LRCH3: variants seen among roughly 807,000 people sequenced by gnomAD.
LRCH3 encodes leucine rich repeats and calponin homology domain containing 3, also known as DISP complex protein LRCH3.
A neutral mutation model predicts 104.5 loss-of-function variants in LRCH3; 68 were observed. That is an observed-to-expected ratio of 0.65 (90% CI 0.54 to 0.80). The LOEUF is 0.80. Among genes scored for constraint, LRCH3 ranks in the 30% least tolerant of loss-of-function variants. The pLI, the probability that LRCH3 is intolerant of heterozygous loss-of-function variation, is 0.00. For synonymous variants in LRCH3, 344 were observed against 361.3 expected, an observed-to-expected ratio of 0.95 and a Z score of 0.54; for missense variants, 951 against 953.9, an observed-to-expected ratio of 1.00 and a Z score of 0.04.
At chr3:197,870,638 T>C (rs983710070) in intron 18 of LRCH3, among the ~76,000 whole-genome samples, 7 of 152,206 alleles carry the variant, frequency 4.6e-5, no homozygotes, top group Admixed American at 1.3e-4. Flanking sequence ...AGTGCTGGGA[T>C]GGCAGGCGTG....
At chr3:197,881,144 G>A in intron 20 of LRCH3, 1 of 1,016,074 alleles carries the variant, frequency 9.8e-7, no homozygotes, top group Non-Finnish European at 1.2e-6. Context: ...AACCTTTGCA[G>A]CAGCTGCTCA....
chr3:197,828,643 C>T (rs1560549934), intron 5 of LRCH3, among the ~76,000 whole-genome samples: 3 of 151,720 alleles, frequency 2.0e-5, no homozygotes, highest in Non-Finnish European at 2.9e-5. Flanking sequence ...CCGCGCCCGG[C>T]CCCCTTAGCT....
chr3:197,832,427 T>G (rs1736082886), intron 8 of LRCH3, 110 bp downstream of exon 8: 2 of 1,031,728 alleles, frequency 1.9e-6, no homozygotes, highest in Admixed American at 2.7e-5. Flanking sequence ...TCTTCACTCT[T>G]CTTTTAAAGA....
At chr3:197,819,945 C>T (rs1053540770) in intron 3 of LRCH3, among the ~76,000 whole-genome samples, 8 of 152,112 alleles carry the variant, frequency 5.3e-5, no homozygotes, top group Non-Finnish European at 1.0e-4. Flanking sequence ...CCTGGGCTCA[C>T]GTGATCCACC....
At chr3:197,829,334 A>G (rs551684824) in intron 5 of LRCH3, among the ~76,000 whole-genome samples, 1 of 152,342 alleles carries the variant, frequency 6.6e-6, no homozygotes, top group South Asian at 2.1e-4. Context: ...ATTTATTTAT[A>G]TATTACTGAA....
In LRCH3 at chr3:197,839,892, G is replaced by A. The variant is rs555751971; in HGVS notation, c.1328+495G>A. ...AGAGGCTGAGGTGGGAGGATCGCTC[G>A]AACTGGGAGGGTGAGACTGCAGTGA... On this transcript the variant is annotated intron_variant, in intron 10 of 20. Coordinates refer to ENST00000425562, the MANE Select transcript of LRCH3 (RefSeq NM_001365715.1). 5.3e-5 allele frequency among the ~76,000 whole-genome samples: 8 copies of A among 151,188 alleles called. No homozygotes were observed. The South Asian group carries it at 6.3e-4, about 12-fold the overall frequency.
At chr3:197,831,039 GCTTT>G (rs1735865487) in intron 7 of LRCH3, 176 bp downstream of exon 7, 1 of 524,192 alleles carries the variant, frequency 1.9e-6, no homozygotes, top group African/African-American at 1.9e-5. Context: ...GTCCTTACCG[GCTTT>G]CTGTCACGTG....
intron 3 of LRCH3, 120 bp downstream of exon 3, chr3:197,817,422 C>T: frequency 4.8e-6 from 1 of 209,188 alleles, no homozygotes; most frequent in African/African-American, 2.7e-5. Flanking sequence ...ATACCATAGT[C>T]TTTTATATGG....
At chr3:197,836,962 G>A (rs1736890521) in intron 9 of LRCH3, among the ~76,000 whole-genome samples, 2 of 152,272 alleles carry the variant, frequency 1.3e-5, no homozygotes, top group South Asian at 2.1e-4. Context: ...ACAGGTGTGA[G>A]CCACCGCACC....
At chr3:197,841,858 G>C (rs1478133121) in intron 10 of LRCH3, among the ~76,000 whole-genome samples, 5 of 121,756 alleles carry the variant, frequency 4.1e-5, no homozygotes, top group African/African-American at 1.4e-4. Flanking sequence ...TTTGTGACAG[G>C]GTCTTGCTCT....
intron 20 of LRCH3, chr3:197,881,030 C>T: frequency 1.7e-6 from 2 of 1,190,838 alleles, no homozygotes; most frequent in Non-Finnish European, 2.1e-6. Context: ...TGAACTTGTA[C>T]TTCGAATATG....
At chr3:197,880,092 C>T (rs1293645095) in intron 20 of LRCH3, among the ~76,000 whole-genome samples, 1 of 151,106 alleles carries the variant, frequency 6.6e-6, no homozygotes, top group Non-Finnish European at 1.5e-5. Context: ...ACTACAGGCG[C>T]CCGCCACCAC....
rs58237989 is a variant in LRCH3 at position 197,825,464 on chromosome 3, A to ATTTTTTTTTT, written c.641-1390_641-1381dup. Among the ~76,000 whole-genome samples the ATTTTTTTTTT allele has an allele frequency of 5.0e-4, 10 of 20,034 alleles. 4 individuals carry two copies. Among genetic ancestry groups the ATTTTTTTTTT allele is most frequent in the Admixed American group, 7.5e-4 (1 of 1,332 alleles). 13.1% of individuals were successfully genotyped at this position (20,034 alleles called of 152,430 possible). A position where few individuals can be genotyped will look rare whatever the true frequency, so the allele number is the denominator to read the frequency against. Reference sequence around the variant, plus strand: ...TAGACCTCTTTGTTGATCCTCTTTGATTTTTTTTTTTTTTTTTTTTTTTTT... The same window carrying ATTTTTTTTTT: ...TAGACCTCTTTGTTGATCCTCTTTGATTTTTTTTTTTTTTTTTTTTTTTTTTTTTTTTTTT... On this transcript the variant is annotated intron_variant, in intron 4 of 20. Coordinates refer to ENST00000425562, the MANE Select transcript of LRCH3 (RefSeq NM_001365715.1).
intron 1 of LRCH3, among the ~76,000 whole-genome samples, chr3:197,813,200 T>A (rs193176158): frequency 6.6e-6 from 1 of 152,336 alleles, no homozygotes; most frequent in Non-Finnish European, 1.5e-5. Flanking sequence ...GAAGTATCCA[T>A]TACCCCAAGC....
At position 197,835,659 on chromosome 3, in the gene LRCH3, G is replaced by A; in HGVS notation, c.1103-15G>A. On this transcript the variant is annotated splice_polypyrimidine_tract_variant and intron_variant, in intron 8 of 20. Coordinates refer to ENST00000425562, the MANE Select transcript of LRCH3 (RefSeq NM_001365715.1). ...GGTGTGTGTGTGTGTGTGGGTGTGTGTGTGGTGTATACAGTGGAACATGAT... is the reference window on the plus strand; with the variant it reads ...GGTGTGTGTGTGTGTGTGGGTGTGTATGTGGTGTATACAGTGGAACATGAT... 4 of 1,607,164 alleles carry A rather than the reference G, an allele frequency of 2.5e-6. No homozygotes were observed. Among genetic ancestry groups the A allele is most frequent in the Non-Finnish European group, 3.4e-6 (4 of 1,175,964 alleles).
chr3:197,803,370 AT>A (rs1732111154), intron 1 of LRCH3, among the ~76,000 whole-genome samples: 1 of 152,196 alleles, frequency 6.6e-6, no homozygotes, highest in South Asian at 2.1e-4. Context: ...TTTTTAAAAA[AT>A]ACGCATCCCT....
At chr3:197,793,475 G>C (rs1038201664) in intron 1 of LRCH3, among the ~76,000 whole-genome samples, 1 of 152,122 alleles carries the variant, frequency 6.6e-6, no homozygotes, top group East Asian at 1.9e-4. Context: ...ATTTCATATT[G>C]GTGTGAGTCA....
chr3:197,805,268 GT>G (rs140274274), intron 1 of LRCH3, among the ~76,000 whole-genome samples: 5,563 of 152,254 alleles, frequency 0.037, 174 homozygotes, highest in African/African-American at 0.079. Context: ...AACATGACAT[GT>G]TGGACTATCC....
rs767996436 is a variant in LRCH3, at chr3:197,872,610, G to A, written c.2130+1148G>A. Among the ~76,000 whole-genome samples, 8 of 152,108 alleles carry A rather than the reference G, an allele frequency of 5.3e-5. No homozygotes were observed. The East Asian group carries it at 5.8e-4, about 11-fold the overall frequency. On this transcript the variant is annotated intron_variant, in intron 19 of 20. Coordinates refer to ENST00000425562, the MANE Select transcript of LRCH3 (RefSeq NM_001365715.1). ...ACTGGCTTACGCCTATAATCCCAGC[G>A]TTTTGGGAGCCCGAGGCTGGTGGAT...
Sources: allele counts gnomAD v4.1 joint callset (sites outside exome capture counted in the v4.1 genomes callset), GRCh38; gene constraint gnomAD v4.1.1; transcripts MANE v1.5; gene names NCBI Gene and HGNC (gene_info 2026-07-23, HGNC 2026-07-21).